The following CACNA2D3 variants were observed in gnomAD, a reference collection of about 807,000 sequenced individuals.
CACNA2D3 encodes calcium voltage-gated channel auxiliary subunit alpha2delta 3.
In CACNA2D3, 60 loss-of-function variants were observed where a neutral mutation model predicts 160.6. That is an observed-to-expected ratio of 0.37 (90% CI 0.30 to 0.46). CACNA2D3 has a LOEUF of 0.46. CACNA2D3 is among the 20% of genes least tolerant of loss of function. The probability of loss-of-function intolerance (pLI) is 1.00; values close to 1 mark genes in which losing one functional copy is unlikely to be tolerated. For missense variants in CACNA2D3, 1,205 were observed against 1,365.0 expected (o/e 0.88, Z 1.85); for synonymous variants, 558 against 492.9 (o/e 1.13, Z -1.75).
intron 2 of CACNA2D3, among the ~76,000 whole-genome samples, chr3:54,263,232 T>A (rs981850069): frequency 6.6e-6 from 1 of 152,228 alleles, no homozygotes; most frequent in Non-Finnish European, 1.5e-5. Flanking sequence ...TTACTGAAAG[T>A]TGTGCTTATT....
intron 5 of CACNA2D3, among the ~76,000 whole-genome samples, chr3:54,539,372 T>TA (rs1559507656): frequency 6.6e-6 from 1 of 152,246 alleles, no homozygotes; most frequent in Non-Finnish European, 1.5e-5. Context: ...TCTCCTGTGT[T>TA]ACTTCTTATT....
At chr3:54,178,403 G>T (rs979475802) in intron 2 of CACNA2D3, among the ~76,000 whole-genome samples, 5 of 152,182 alleles carry the variant, frequency 3.3e-5, no homozygotes, top group African/African-American at 1.2e-4. Flanking sequence ...GGTAACTCTG[G>T]TCTCCCAAGG....
intron 4 of CACNA2D3, among the ~76,000 whole-genome samples, chr3:54,463,922 A>T (rs1357661813): frequency 6.6e-6 from 1 of 152,014 alleles, no homozygotes; most frequent in Non-Finnish European, 1.5e-5. Flanking sequence ...TTGGTCTTTG[A>T]TGATGGCGAT....
chr3:54,646,196 T>C (rs1191531463), intron 11 of CACNA2D3, among the ~76,000 whole-genome samples: 376 of 7,762 alleles, frequency 0.048, 66 homozygotes, highest in Admixed American at 0.067. Flanking sequence ...CCTTCCTTGC[T>C]TCCTTCCTTC....
At chr3:54,272,068 G>C (rs1023364393) in intron 2 of CACNA2D3, among the ~76,000 whole-genome samples, 1 of 152,038 alleles carries the variant, frequency 6.6e-6, no homozygotes, top group East Asian at 1.9e-4. Context: ...AGTTTCTTGA[G>C]TGTCTCTTAA....
rs182885497 is a variant in CACNA2D3, at chr3:54,550,469, C to T, written c.545-12331C>T. Among the ~76,000 whole-genome samples the T allele has an allele frequency of 6.7e-3, 1,019 of 152,312 alleles. 8 individuals are homozygous for T. Among genetic ancestry groups the T allele is most frequent in the Non-Finnish European group, 0.012 (805 of 68,016 alleles). ...GAAAGCACCCCCTGGAGGTTTCACA[C>T]CCCCAAATGTGGGCGGTCAAGGATA... On this transcript the variant is annotated intron_variant, in intron 5 of 37. Transcript: ENST00000474759.
chr3:54,516,979 C>T lies in CACNA2D3; in HGVS notation c.544+13325C>T, dbSNP rs190712860. ...CACTAGTGAGATAGTGGAAGTTTCCCCCTGCAGGAGTGGGAGCCCCAGAAA... is the reference window on the plus strand; with the variant it reads ...CACTAGTGAGATAGTGGAAGTTTCCTCCTGCAGGAGTGGGAGCCCCAGAAA... On this transcript the variant is annotated intron_variant, in intron 5 of 37. Coordinates refer to ENST00000474759, the MANE Select transcript of CACNA2D3 (RefSeq NM_018398.3). Among the ~76,000 whole-genome samples, 9 of 152,256 alleles carry T rather than the reference C, an allele frequency of 5.9e-5. No homozygotes were observed. The East Asian group carries it at 1.7e-3, about 29-fold the overall frequency.
chr3:54,289,802 T>C (rs58872885), intron 2 of CACNA2D3, among the ~76,000 whole-genome samples: 31,108 of 151,944 alleles, frequency 0.2, 3,341 homozygotes, highest in East Asian at 0.25. Flanking sequence ...AAACAAGTAA[T>C]GGGGAAAGGA....
chr3:54,683,260 A>G (rs1439037253), intron 11 of CACNA2D3, among the ~76,000 whole-genome samples: 1 of 152,230 alleles, frequency 6.6e-6, no homozygotes, highest in Non-Finnish European at 1.5e-5. Context: ...CCCCACAGAT[A>G]GAGGTGTGAG....
At position 54,786,706 on chromosome 3, in the gene CACNA2D3, C is replaced by T. The variant is rs145954034; in HGVS notation, c.1380+22355C>T. 4.4e-3 allele frequency among the ~76,000 whole-genome samples: 677 copies of T among 152,208 alleles called. 6 individuals carry two copies. Among genetic ancestry groups the T allele is most frequent in the African/African-American group, 0.015 (638 of 41,528 alleles). On this transcript the variant is annotated intron_variant, in intron 13 of 37. Coordinates refer to ENST00000474759, the MANE Select transcript of CACNA2D3 (RefSeq NM_018398.3). ...TAATGCACTTATCACTTAGCTATAACCTAGTTGATAAACAGTATGTAATTT... is the reference window on the plus strand; with the variant it reads ...TAATGCACTTATCACTTAGCTATAATCTAGTTGATAAACAGTATGTAATTT...
At chr3:54,141,097 G>GCGCGCGCGCGCGCGCGCA (rs1559860132) in intron 2 of CACNA2D3, among the ~76,000 whole-genome samples, 1 of 133,666 alleles carries the variant, frequency 7.5e-6, no homozygotes, top group African/African-American at 2.7e-5. Context: ...GCGCGCGCGC[G>GCGCGCGCGCGCGCGCGCA]CGTGTGTGCA....
chr3:54,803,705 C>T (rs574289524), intron 13 of CACNA2D3, among the ~76,000 whole-genome samples: 42 of 152,184 alleles, frequency 2.8e-4, no homozygotes, highest in Middle Eastern at 3.4e-3. Flanking sequence ...ATACAGAGAA[C>T]GCCACAAAGA....
intron 4 of CACNA2D3, among the ~76,000 whole-genome samples, chr3:54,405,269 TA>T (rs34019072): frequency 0.012 from 1,180 of 100,914 alleles, 17 homozygotes; most frequent in East Asian, 0.081. Flanking sequence ...TACTACTCAG[TA>T]AAAAAAAAAA....
At chr3:54,255,431 A>G (rs1702274182) in intron 2 of CACNA2D3, among the ~76,000 whole-genome samples, 2 of 152,204 alleles carry the variant, frequency 1.3e-5, no homozygotes, top group Admixed American at 1.3e-4. Flanking sequence ...ATGTCCACAC[A>G]AGTATTAATC....
chr3:54,974,652 G>T (rs1306296154), intron 29 of CACNA2D3, among the ~76,000 whole-genome samples: 1 of 152,216 alleles, frequency 6.6e-6, no homozygotes, highest in Non-Finnish European at 1.5e-5. Flanking sequence ...CCGAATAGTT[G>T]CAGGAAGATG....
intron 4 of CACNA2D3, among the ~76,000 whole-genome samples, chr3:54,487,450 C>T (rs1172580416): frequency 6.6e-6 from 1 of 152,176 alleles, no homozygotes; most frequent in Non-Finnish European, 1.5e-5. Flanking sequence ...ATCTTACTGT[C>T]GCTTGGGGAC....
intron 2 of CACNA2D3, among the ~76,000 whole-genome samples, chr3:54,241,118 G>A (rs1482734427): frequency 6.6e-6 from 1 of 152,106 alleles, no homozygotes; most frequent in Non-Finnish European, 1.5e-5. Context: ...TGGCAAATTG[G>A]CCCAATAGCC....
intron 5 of CACNA2D3, among the ~76,000 whole-genome samples, chr3:54,534,615 TAAA>T (rs561979466): frequency 7.0e-6 from 1 of 143,400 alleles, no homozygotes; most frequent in Non-Finnish European, 1.5e-5. Context: ...ACCAACTTCT[TAAA>T]AAAAAAAAAG....
At chr3:54,844,576 C>T (rs1160321164) in intron 16 of CACNA2D3, among the ~76,000 whole-genome samples, 1 of 152,128 alleles carries the variant, frequency 6.6e-6, no homozygotes, top group East Asian at 1.9e-4. Flanking sequence ...TCTCATCTCT[C>T]TATTCCAACC....
Sources: gnomAD v4.1 joint callset for allele counts (sites outside exome capture counted in the v4.1 genomes callset) on GRCh38, gnomAD v4.1.1 for gene constraint, MANE v1.5 for transcripts, NCBI Gene and HGNC (gene_info 2026-07-23, HGNC 2026-07-21) for gene names.